The following DZIP3 variants were observed in gnomAD, a reference collection of about 807,000 sequenced individuals.
DZIP3 encodes the protein DAZ interacting zinc finger protein 3.
Under a neutral mutation model 162.0 loss-of-function variants are expected in DZIP3, and 118 were observed. The ratio of observed to expected loss-of-function variants is 0.73; its 90% confidence interval spans 0.63 to 0.85. The LOEUF (loss-of-function observed/expected upper bound fraction) is 0.85, where lower values mean the gene tolerates loss of function less well. DZIP3 is among the 40% of genes least tolerant of loss of function. The pLI is 0.00. For missense variants in DZIP3, 1,331 were observed against 1,407.0 expected, an observed-to-expected ratio of 0.95 and a Z score of 0.86; for synonymous variants, 438 against 458.6, an observed-to-expected ratio of 0.96 and a Z score of 0.57.
chr3:108,673,606 G>A (rs530287356), intron 23 of DZIP3, among the ~76,000 whole-genome samples: 11 of 151,970 alleles, frequency 7.2e-5, no homozygotes, highest in African/African-American at 2.4e-4. Flanking sequence ...ACTGAACTAC[G>A]TAATCTCCCA....
At position 108,610,696 on chromosome 3, in the gene DZIP3, A is replaced by T. The variant is rs527365403; in HGVS notation, c.103-478A>T. ...CTCTGTTGTCCACTAGTTCTTCACA[A>T]CTAATGTTAGTAGATATTCCAGCAG... is the stretch of plus-strand genomic sequence containing the variant. On this transcript the variant is annotated intron_variant, in intron 3 of 32. Coordinates refer to ENST00000361582, the MANE Select transcript of DZIP3 (RefSeq NM_014648.4). Among the ~76,000 whole-genome samples the T allele has an allele frequency of 2.0e-5, 3 of 152,304 alleles. No individual in the cohort carries two copies. The South Asian group carries it at 6.2e-4, about 32-fold the overall frequency.
At chr3:108,651,036 C>A in intron 17 of DZIP3, 101 bp from the exon 18 acceptor site, 1 of 412,854 alleles carries the variant, frequency 2.4e-6, no homozygotes, top group South Asian at 3.7e-5. Flanking sequence ...TAGTTATGAT[C>A]AAAAATTTTT....
At chr3:108,692,252 A>AACAT (rs1223091350) in intron 32 of DZIP3, among the ~76,000 whole-genome samples, 1 of 152,168 alleles carries the variant, frequency 6.6e-6, no homozygotes, top group African/African-American at 2.4e-5. Context: ...CACATGACAG[A>AACAT]ACATGGGCAT....
chr3:108,674,513 CTGTAG>C (rs1944033365), intron 24 of DZIP3, among the ~76,000 whole-genome samples: 1 of 151,842 alleles, frequency 6.6e-6, no homozygotes, highest in South Asian at 2.1e-4. Context: ...TTCCCTTCCT[CTGTAG>C]TGAAGTAGAT....
At chr3:108,636,751 T>A (rs1942167353) in intron 11 of DZIP3, 43 bp downstream of exon 11, 1 of 1,370,452 alleles carries the variant, frequency 7.3e-7, no homozygotes. Context: ...CTTGCTTTCC[T>A]TCCTTGGAAA....
At chr3:108,633,517 A>G (rs1473888073) in intron 9 of DZIP3, among the ~76,000 whole-genome samples, 1 of 151,962 alleles carries the variant, frequency 6.6e-6, no homozygotes, top group Non-Finnish European at 1.5e-5. Context: ...GGCAGGGGGA[A>G]AAAGTAACCA....
At chr3:108,612,313 C>T (rs1329028936) in intron 4 of DZIP3, among the ~76,000 whole-genome samples, 21 of 151,974 alleles carry the variant, frequency 1.4e-4, no homozygotes, top group Admixed American at 1.1e-3. Flanking sequence ...ATTAAAAATT[C>T]CAACAAACTG....
rs201115273 is a variant in DZIP3, at chr3:108,677,581, C to T, written c.2866C>T (p.Pro956Ser). The T allele has an allele frequency of 6.2e-6, 10 of 1,612,308 alleles. No homozygotes were observed. The highest frequency in any genetic ancestry group is 8.5e-6 in the Non-Finnish European group (10 of 1,178,752). The change falls in exon 26 of 33, where the codon CCC (proline) becomes TCC (serine). Residue 956 changes from proline to serine, a missense_variant. Physicochemically the swap from Pro to Ser is moderately conservative, Grantham distance 74. This residue lies in a region of DZIP3 where 1,278 missense variants were observed against 1,317.1 expected (regional missense o/e 0.97). Coordinates refer to ENST00000361582, the MANE Select transcript of DZIP3 (RefSeq NM_014648.4). ...TCCAGTCCAGCTTCCTCCTCCACCA[C>T]CCAGTCCTGAGATACTGGTAAGAAA... ...LPPVQLPPPP[P>S]SPEILMQQFL... is the part of the protein sequence containing the mutation.
intron 22 of DZIP3, among the ~76,000 whole-genome samples, chr3:108,671,722 A>C (rs1943932761): frequency 6.7e-6 from 1 of 149,420 alleles, no homozygotes; most frequent in South Asian, 2.2e-4. Context: ...TGTAGAACTT[A>C]TTAATCATGA....
chr3:108,602,941 C>T (rs1460048483), intron 1 of DZIP3: 3 of 152,172 alleles, frequency 2.0e-5, no homozygotes, highest in South Asian at 4.1e-4. Context: ...AAGCCCTAGC[C>T]TTTCTTAACT....
intron 1 of DZIP3, among the ~76,000 whole-genome samples, chr3:108,599,612 G>A: frequency 6.6e-6 from 1 of 152,172 alleles, no homozygotes; most frequent in East Asian, 1.9e-4. Flanking sequence ...CAGAACAACT[G>A]CACAGTGGAC....
chr3:108,655,661 G>A (rs929143898), intron 19 of DZIP3, among the ~76,000 whole-genome samples: 22 of 152,096 alleles, frequency 1.4e-4, no homozygotes, highest in Non-Finnish European at 8.8e-5. Flanking sequence ...CAGGACAGTG[G>A]GTGCGGCGCA....
At chr3:108,655,746 AG>A (rs1559761737) in intron 19 of DZIP3, among the ~76,000 whole-genome samples, 1 of 152,134 alleles carries the variant, frequency 6.6e-6, no homozygotes, top group Non-Finnish European at 1.5e-5. Context: ...TCCCTTTCCT[AG>A]CCAAGGAAAG....
At chr3:108,635,016 AC>A (rs771726448) in intron 10 of DZIP3, 44 bp downstream of exon 10, 3 of 1,226,160 alleles carry the variant, frequency 2.4e-6, no homozygotes, top group Non-Finnish European at 3.5e-6. Context: ...TTCTTCCTCT[AC>A]CCTTTCCTCT....
chr3:108,656,688 A>T (rs1304789922), intron 19 of DZIP3, among the ~76,000 whole-genome samples: 1 of 152,062 alleles, frequency 6.6e-6, no homozygotes, highest in East Asian at 1.9e-4. Context: ...CGATCAAACT[A>T]CTCCGAGCTA....
At chr3:108,628,607 A>G (rs1157914165) in intron 7 of DZIP3, among the ~76,000 whole-genome samples, 6 of 152,190 alleles carry the variant, frequency 3.9e-5, no homozygotes, top group Non-Finnish European at 8.8e-5. Flanking sequence ...TGTGCATTCA[A>G]TATCAGTTTG....
intron 10 of DZIP3, chr3:108,635,344 CAGAA>C: frequency 3.4e-6 from 1 of 298,400 alleles, no homozygotes; most frequent in Non-Finnish European, 6.6e-6. Context: ...AGTAAAAACA[CAGAA>C]AGGATAATTA....
At chr3:108,625,775 G>A (rs1278566703) in intron 6 of DZIP3, 70 bp from the exon 7 acceptor site, 4 of 1,414,598 alleles carry the variant, frequency 2.8e-6, no homozygotes, top group Non-Finnish European at 3.7e-6. Context: ...AGTTTGAGAA[G>A]TAATTGTTTA....
At chr3:108,676,729 A>T (rs1944124724) in intron 25 of DZIP3, among the ~76,000 whole-genome samples, 1 of 152,018 alleles carries the variant, frequency 6.6e-6, no homozygotes, top group Admixed American at 6.6e-5. Flanking sequence ...GTCTTTAGTG[A>T]TGCTTAGCGT....
Sources: gnomAD v4.1 joint callset for allele counts (sites outside exome capture counted in the v4.1 genomes callset) on GRCh38, gnomAD v4.1.1 for gene constraint, gnomAD v4.1.1 regional missense constraint, MANE v1.5 for transcripts, NCBI Gene and HGNC (gene_info 2026-07-23, HGNC 2026-07-21) for gene names.